CPNE4: variants seen among roughly 807,000 people sequenced by gnomAD.
CPNE4 encodes copine-4.
Under a neutral mutation model 67.9 loss-of-function variants are expected in CPNE4, and 25 were observed. The observed-to-expected ratio is 0.37, with a 90% CI of 0.27 to 0.51. CPNE4 has a LOEUF of 0.51. CPNE4 is among the 20% of genes least tolerant of loss of function. CPNE4 has a pLI of 0.93. For missense variants in CPNE4, 464 were observed against 690.8 expected, an observed-to-expected ratio of 0.67 and a Z score of 3.68; for synonymous variants, 242 against 244.9, an observed-to-expected ratio of 0.99 and a Z score of 0.11.
In CPNE4 at chr3:131,737,115, C is replaced by CTTTTTTTTTTTT. The variant is rs71788145; in HGVS notation, c.181-13502_181-13491dup. Among the ~76,000 whole-genome samples, 63 of 49,398 alleles carry CTTTTTTTTTTTT rather than the reference C, an allele frequency of 1.3e-3. 9 individuals are homozygous for CTTTTTTTTTTTT. The highest frequency in any genetic ancestry group is 3.8e-3 in the African/African-American group (50 of 13,090). 32.4% of individuals were successfully genotyped at this position (49,398 alleles called of 152,430 possible). ...TGCCTCTTTTTATGAAGTATTGTGT[C>CTTTTTTTTTTTT]TTTTTTTTTTTTTTTTTTTTTTTTT... On this transcript the variant is annotated intron_variant, in intron 2 of 15. Transcript: ENST00000429747.
intron 6 of CPNE4, among the ~76,000 whole-genome samples, chr3:131,672,022 A>G (rs758500762): frequency 1.1e-4 from 16 of 151,988 alleles, no homozygotes; most frequent in Admixed American, 5.2e-4. Context: ...CCATGAGTTC[A>G]GTTGTTTTTA....
At chr3:132,031,477 C>G (rs1171652255) in intron 1 of CPNE4, among the ~76,000 whole-genome samples, 1 of 152,110 alleles carries the variant, frequency 6.6e-6, no homozygotes, top group Non-Finnish European at 1.5e-5. Context: ...GTGATTTTTC[C>G]CAACTAGTGT....
chr3:131,979,315 C>G (rs1197261749), intron 1 of CPNE4, among the ~76,000 whole-genome samples: 5 of 152,168 alleles, frequency 3.3e-5, no homozygotes, highest in Non-Finnish European at 7.3e-5. Context: ...GTGTTGCTGT[C>G]TATCTCATTT....
chr3:131,895,215 G>A (rs1366623653), intron 2 of CPNE4, among the ~76,000 whole-genome samples: 3 of 152,030 alleles, frequency 2.0e-5, no homozygotes, highest in African/African-American at 4.8e-5. Context: ...CTGAGAAGGG[G>A]AGGAGAGAGG....
chr3:131,819,894 C>G (rs1028730712), intron 2 of CPNE4, among the ~76,000 whole-genome samples: 2 of 152,120 alleles, frequency 1.3e-5, no homozygotes, highest in Admixed American at 6.5e-5. Context: ...CCCAGCTGCT[C>G]CCTCTGGGGA....
intron 7 of CPNE4, among the ~76,000 whole-genome samples, chr3:131,638,877 C>A (rs146650695): frequency 1.3e-5 from 2 of 152,020 alleles, no homozygotes; most frequent in Non-Finnish European, 2.9e-5. Context: ...ACCCTCAAAA[C>A]GATGCAAATA....
rs1292764386 is a variant in CPNE4, at chr3:131,567,723, G to T, written c.928-3374C>A. On this transcript the variant is annotated intron_variant, in intron 10 of 15. Transcript: ENST00000429747. ...AGAAAGTAAGGATAGAAAATGAATA[G>T]GATTTTGTGACCACTTGAATGCAGA... is the stretch of plus-strand genomic sequence containing the variant. Among the ~76,000 whole-genome samples the T allele has an allele frequency of 4.6e-5, 7 of 152,006 alleles. No individual in the cohort carries two copies. The South Asian group carries it at 1.2e-3, about 27-fold the overall frequency.
chr3:131,837,583 G>T (rs1471857040), intron 2 of CPNE4, among the ~76,000 whole-genome samples: 1 of 151,950 alleles, frequency 6.6e-6, no homozygotes, highest in African/African-American at 2.4e-5. Flanking sequence ...TTTTTGGGGG[G>T]TGAGTGATAG....
intron 1 of CPNE4, among the ~76,000 whole-genome samples, chr3:131,949,131 A>G (rs1458272254): frequency 6.6e-6 from 1 of 152,226 alleles, no homozygotes; most frequent in East Asian, 1.9e-4. Context: ...GAGCACAATC[A>G]TTGCTAAATA....
At chr3:131,603,565 A>T (rs1939331619) in intron 7 of CPNE4, among the ~76,000 whole-genome samples, 1 of 152,190 alleles carries the variant, frequency 6.6e-6, no homozygotes, top group Non-Finnish European at 1.5e-5. Context: ...TTTAGAATTT[A>T]GGTTAGGTAC....
chr3:131,639,485 C>G (rs541248174), intron 7 of CPNE4, among the ~76,000 whole-genome samples: 1 of 152,036 alleles, frequency 6.6e-6, no homozygotes, highest in Non-Finnish European at 1.5e-5. Context: ...CTGAACAGAT[C>G]CATAGCAAGC....
At chr3:131,605,659 G>A (rs1939457472) in intron 7 of CPNE4, among the ~76,000 whole-genome samples, 2 of 152,040 alleles carry the variant, frequency 1.3e-5, no homozygotes, top group South Asian at 2.1e-4. Context: ...AAGTGGGAAG[G>A]GAAATAGAAG....
chr3:131,934,509 A>G (rs2071163224), intron 1 of CPNE4, among the ~76,000 whole-genome samples: 1 of 152,114 alleles, frequency 6.6e-6, no homozygotes, highest in African/African-American at 2.4e-5. Context: ...GCTTTGCTGC[A>G]CCCACCAACC....
intron 7 of CPNE4, among the ~76,000 whole-genome samples, chr3:131,637,429 G>A (rs965769945): frequency 1.3e-5 from 2 of 152,104 alleles, no homozygotes; most frequent in Non-Finnish European, 2.9e-5. Context: ...AATCAAATGA[G>A]CAGAAGGAAG....
chr3:131,815,233 T>G (rs937546583), intron 2 of CPNE4, among the ~76,000 whole-genome samples: 6 of 152,096 alleles, frequency 3.9e-5, no homozygotes, highest in African/African-American at 1.4e-4. Flanking sequence ...AGGAATTAGG[T>G]TCTGAGATCA....
intron 2 of CPNE4, among the ~76,000 whole-genome samples, chr3:131,831,557 T>G (rs959888899): frequency 2.0e-5 from 3 of 152,274 alleles, no homozygotes; most frequent in African/African-American, 7.2e-5. Flanking sequence ...GGCCTAATGT[T>G]CTGAGTCTGA....
chr3:131,539,986 T>C (rs1935385721), intron 15 of CPNE4, among the ~76,000 whole-genome samples: 1 of 152,238 alleles, frequency 6.6e-6, no homozygotes, highest in African/African-American at 2.4e-5. Flanking sequence ...CTACTTCTTT[T>C]TGACTCTACT....
intron 11 of CPNE4, among the ~76,000 whole-genome samples, chr3:131,560,923 C>A (rs1936728344): frequency 6.6e-6 from 1 of 152,052 alleles, no homozygotes; most frequent in Non-Finnish European, 1.5e-5. Flanking sequence ...CTGAGGACCA[C>A]TGACTGGTGT....
chr3:131,944,572 C>A (rs1054943887), intron 1 of CPNE4, among the ~76,000 whole-genome samples: 2 of 151,980 alleles, frequency 1.3e-5, no homozygotes, highest in African/African-American at 2.4e-5. Flanking sequence ...CACCAACAAC[C>A]CAGATGAGGA....
Sources: gnomAD v4.1 joint callset for allele counts (sites outside exome capture counted in the v4.1 genomes callset) on GRCh38, gnomAD v4.1.1 for gene constraint, MANE v1.5 for transcripts, NCBI Gene and HGNC (gene_info 2026-07-23, HGNC 2026-07-21) for gene names.